The following SUMF1 variants were observed in gnomAD, a reference collection of about 807,000 sequenced individuals.
The protein encoded by SUMF1 is sulfatase modifying factor 1.
A neutral mutation model predicts 47.6 loss-of-function variants in SUMF1; 48 were observed. The observed-to-expected ratio is 1.01, with a 90% CI of 0.80 to 1.28. The LOEUF (loss-of-function observed/expected upper bound fraction) is 1.28. Ranked by LOEUF, SUMF1 falls within the 50% of genes most tolerant of loss-of-function variation. The probability of loss-of-function intolerance (pLI) is 0.00; values close to 1 mark genes in which losing one functional copy is unlikely to be tolerated. For synonymous variants in SUMF1, 230 were observed against 192.1 expected (o/e 1.20, Z -1.63); for missense variants, 571 against 485.4 (o/e 1.18, Z -1.66).
intron 8 of SUMF1, among the ~76,000 whole-genome samples, chr3:4,096,568 G>A (rs561381899): frequency 6.6e-6 from 1 of 152,130 alleles, no homozygotes; most frequent in South Asian, 2.1e-4. Context: ...TCTGTATACA[G>A]GTGAAATCAA....
intron 8 of SUMF1, among the ~76,000 whole-genome samples, chr3:4,078,864 A>AG (rs1692496632): frequency 6.6e-6 from 1 of 152,308 alleles, no homozygotes; most frequent in South Asian, 2.1e-4. Flanking sequence ...AACTACCTCA[A>AG]GGTCATCATC....
At chr3:4,171,230 T>C (rs565546973) in intron 8 of SUMF1, among the ~76,000 whole-genome samples, 19 of 152,264 alleles carry the variant, frequency 1.2e-4, no homozygotes, top group African/African-American at 4.1e-4. Flanking sequence ...GCAAGGAGTA[T>C]TGCAGATGCT....
rs147409326 is a variant in SUMF1, at chr3:4,232,072, T to C, written c.1014+144258A>G. Among the ~76,000 whole-genome samples, 157 of 152,244 alleles carry C rather than the reference T, an allele frequency of 1.0e-3. 2 individuals carry two copies. The highest frequency in any genetic ancestry group is 4.4e-3 in the East Asian group (23 of 5,178). ...TTCCTCCTGGTGCTTCATTGATAAATGTAAATGGAGTCCATCTTAGGTAAC... is the reference window on the plus strand; with the variant it reads ...TTCCTCCTGGTGCTTCATTGATAAACGTAAATGGAGTCCATCTTAGGTAAC... On this transcript the variant is annotated intron_variant and NMD_transcript_variant, in intron 8 of 12. Coordinates refer to the SUMF1 transcript ENST00000448413.
chr3:4,240,483 T>A (rs900428738), intron 8 of SUMF1, among the ~76,000 whole-genome samples: 14 of 147,224 alleles, frequency 9.5e-5, no homozygotes, highest in South Asian at 2.2e-4. Context: ...TTTGGTACTA[T>A]TTTATTTTGT....
At chr3:4,407,063 C>T (rs1354499314) in intron 7 of SUMF1, among the ~76,000 whole-genome samples, 2 of 147,476 alleles carry the variant, frequency 1.4e-5, no homozygotes, top group Non-Finnish European at 3.0e-5. Context: ...AAATGTGGCA[C>T]CTCCACAGGA....
chr3:4,289,195 T>A (rs1286163061), intron 8 of SUMF1, among the ~76,000 whole-genome samples: 2 of 152,168 alleles, frequency 1.3e-5, no homozygotes, highest in East Asian at 3.8e-4. Flanking sequence ...CCTGAGAAAC[T>A]CAGACTGGAG....
At chr3:4,448,914 T>C (rs775661196) in intron 3 of SUMF1, among the ~76,000 whole-genome samples, 5 of 152,212 alleles carry the variant, frequency 3.3e-5, no homozygotes, top group Non-Finnish European at 5.9e-5. Context: ...ACTTTTAGAA[T>C]AGAATTTTAA....
intron 1 of SUMF1, among the ~76,000 whole-genome samples, chr3:4,456,945 C>CGTGTGTGTATAT (rs2079656060): frequency 1.8e-5 from 1 of 55,914 alleles, no homozygotes; most frequent in African/African-American, 5.9e-5. Context: ...CGTGTGTGTA[C>CGTGTGTGTATAT]ATATATACGT....
At chr3:4,253,765 T>C (rs313668) in intron 8 of SUMF1, among the ~76,000 whole-genome samples, 85,673 of 136,374 alleles carry the variant, frequency 0.63, 28,347 homozygotes, top group African/African-American at 0.79. Context: ...CCACCACAGC[T>C]CAAGGAGGCC....
chr3:4,165,614 C>T (rs1456717745), intron 8 of SUMF1, among the ~76,000 whole-genome samples: 3 of 152,058 alleles, frequency 2.0e-5, no homozygotes, highest in Non-Finnish European at 4.4e-5. Flanking sequence ...TGCCTTCCCT[C>T]TTACAGAAAA....
rs1694937482 is a variant in SUMF1 at position 4,175,447 on chromosome 3, CCTGA to C, written c.1015-106706_1015-106703del. On this transcript the variant is annotated intron_variant and NMD_transcript_variant, in intron 8 of 12. Coordinates refer to the SUMF1 transcript ENST00000448413. ...CTCCAACAGACCTGCAGCTGAGGGA[CCTGA>C]CTGTTAGAAGGAAAACTAACAAACA... 4.6e-5 allele frequency among the ~76,000 whole-genome samples: 7 copies of C among 152,280 alleles called. 1 individual carries two copies. The highest frequency in any genetic ancestry group is 6.8e-3 in the Middle Eastern group (2 of 294).
chr3:4,241,091 T>C (rs1696527578), intron 8 of SUMF1, among the ~76,000 whole-genome samples: 1 of 152,042 alleles, frequency 6.6e-6, no homozygotes, highest in Non-Finnish European at 1.5e-5. Context: ...AGAGATAGAA[T>C]TTAGATAATT....
At chr3:4,408,545 C>T (rs1701443522) in intron 7 of SUMF1, among the ~76,000 whole-genome samples, 1 of 152,160 alleles carries the variant, frequency 6.6e-6, no homozygotes, top group Admixed American at 6.5e-5. Context: ...TATACTTAAT[C>T]AGCCAGGTGC....
intron 8 of SUMF1, among the ~76,000 whole-genome samples, chr3:4,341,684 T>C (rs1328363511): frequency 6.6e-6 from 1 of 152,222 alleles, no homozygotes; most frequent in Non-Finnish European, 1.5e-5. Flanking sequence ...AAAGATCAAA[T>C]GGATTCACTC....
intron 8 of SUMF1, among the ~76,000 whole-genome samples, chr3:4,134,018 G>C (rs950987592): frequency 2.0e-5 from 3 of 151,898 alleles, no homozygotes; most frequent in Non-Finnish European, 4.4e-5. Context: ...CAATAATAAT[G>C]GGAGACTTTA....
At position 4,442,432 on chromosome 3, in the gene SUMF1, T is replaced by G. The variant is rs1005895882; in HGVS notation, c.519+6834A>C. Among the ~76,000 whole-genome samples the G allele has an allele frequency of 3.2e-4, 46 of 145,490 alleles. 1 individual carries two copies. The highest frequency in any genetic ancestry group is 1.1e-3 in the African/African-American group (46 of 40,276). ...CACCACGCCCGGCTAATTTTTTTTTTGTATTTTTAGTAGAGACGGGGTTTC... is the reference window on the plus strand; with the variant it reads ...CACCACGCCCGGCTAATTTTTTTTTGGTATTTTTAGTAGAGACGGGGTTTC... On this transcript the variant is annotated intron_variant, in intron 3 of 8. Coordinates refer to ENST00000272902, the MANE Select transcript of SUMF1 (RefSeq NM_182760.4).
intron 9 of SUMF1, among the ~76,000 whole-genome samples, chr3:4,065,630 C>T (rs544901279): frequency 1.4e-4 from 21 of 152,092 alleles, no homozygotes; most frequent in African/African-American, 4.6e-4. Context: ...ATCATTTGAA[C>T]TTGAAATTTA....
intron 8 of SUMF1, among the ~76,000 whole-genome samples, chr3:4,346,386 A>G (rs1345748016): frequency 6.6e-6 from 1 of 152,110 alleles, no homozygotes; most frequent in African/African-American, 2.4e-5. Flanking sequence ...ACTCAAAACC[A>G]CACAATTTCA....
chr3:4,085,805 A>T (rs1354213489), intron 8 of SUMF1, among the ~76,000 whole-genome samples: 1 of 152,112 alleles, frequency 6.6e-6, no homozygotes, highest in Non-Finnish European at 1.5e-5. Context: ...AAAAGTGGAC[A>T]AAAATATTGC....
Sources: allele counts gnomAD v4.1 joint callset (sites outside exome capture counted in the v4.1 genomes callset), GRCh38; gene constraint gnomAD v4.1.1; transcripts MANE v1.5; gene names NCBI Gene and HGNC (gene_info 2026-07-23, HGNC 2026-07-21).